LRBA: variants seen among roughly 807,000 people sequenced by gnomAD.
LRBA encodes the protein LPS responsive beige-like anchor protein.
A neutral mutation model predicts 330.0 loss-of-function variants in LRBA; 176 were observed. The observed-to-expected ratio is 0.53, with a 90% CI of 0.47 to 0.60. The LOEUF (loss-of-function observed/expected upper bound fraction) is 0.60. Among genes scored for constraint, LRBA ranks in the 20% least tolerant of loss-of-function variants. The pLI is 0.00. For synonymous variants in LRBA, 1,230 were observed against 1,193.0 expected (o/e 1.03, Z -0.64); for missense variants, 3,259 against 3,444.8 (o/e 0.95, Z 1.35).
rs143565036 is a variant in LRBA, at chr4:150,946,602, T to G, written c.217-17537A>C. Among the ~76,000 whole-genome samples, 1,253 of 152,092 alleles carry G rather than the reference T, an allele frequency of 8.2e-3. 53 individuals carry two copies. Among genetic ancestry groups the G allele is most frequent in the Admixed American group, 0.066 (1,011 of 15,274 alleles). The stretch of plus-strand genomic sequence containing the variant: ...AAATAAAAATATAATATATCAAAAT[T>G]TGTGGGCCATACCTGAGAGGGAAAT... On this transcript the variant is annotated intron_variant, in intron 2 of 56. Transcript: ENST00000651943.
chr4:150,689,821 A>G (rs1392097667), intron 36 of LRBA, among the ~76,000 whole-genome samples: 1 of 152,146 alleles, frequency 6.6e-6, no homozygotes, highest in Non-Finnish European at 1.5e-5. Context: ...GCTACTTGGG[A>G]GGCTGAGGTG....
intron 47 of LRBA, among the ~76,000 whole-genome samples, chr4:150,398,482 A>G (rs1425532149): frequency 6.6e-6 from 1 of 152,222 alleles, no homozygotes; most frequent in Non-Finnish European, 1.5e-5. Flanking sequence ...TGCATTTGGT[A>G]TAAAACGATT....
At chr4:150,642,094 C>T (rs1006472446) in intron 37 of LRBA, among the ~76,000 whole-genome samples, 1 of 151,904 alleles carries the variant, frequency 6.6e-6, no homozygotes, top group African/African-American at 2.4e-5. Flanking sequence ...ATTGAAATTG[C>T]TTTGGACATT....
chr4:150,466,012 A>G (rs1218561943), intron 44 of LRBA, among the ~76,000 whole-genome samples: 1 of 152,140 alleles, frequency 6.6e-6, no homozygotes, highest in Non-Finnish European at 1.5e-5. Flanking sequence ...ATTTCTAGAT[A>G]AAGAAAAGAG....
chr4:150,440,976 A>C (rs959419887), intron 44 of LRBA, among the ~76,000 whole-genome samples: 1 of 152,152 alleles, frequency 6.6e-6, no homozygotes, highest in African/African-American at 2.4e-5. Flanking sequence ...GATATGCAAA[A>C]TAAAACTTGT....
Position 151,014,448 on chromosome 4 carries a change from A to G in LRBA, c.195T>C (p.Ile65=). 6.2e-7 allele frequency: 1 copy of G among 1,614,100 alleles called. No homozygotes were observed. The highest frequency in any genetic ancestry group is 8.5e-7 in the Non-Finnish European group (1 of 1,179,924). ...VEVGEVSNRD[I]VETVFNLLVG... ...TTACCAGGTTAAAGACAGTTTCTAC[A>G]ATATCCCTATTGGATACTTCTCCAA... Residue 65 remains isoleucine, a synonymous_variant, in exon 2 of 57, where the codon ATT becomes ATC. Coordinates refer to ENST00000651943, the MANE Select transcript of LRBA (RefSeq NM_001364905.1).
At chr4:150,685,402 A>ATATATATATATATATATATATT (rs1783467766) in intron 36 of LRBA, among the ~76,000 whole-genome samples, 1 of 13,530 alleles carries the variant, frequency 7.4e-5, no homozygotes, top group Non-Finnish European at 1.4e-4. Context: ...ATATATATAT[A>ATATATATATATATATATATATT]TATATATATA....
intron 13 of LRBA, among the ~76,000 whole-genome samples, chr4:150,903,986 T>C (rs1731040884): frequency 6.6e-6 from 1 of 152,150 alleles, no homozygotes. Flanking sequence ...GTTGAGTAAA[T>C]GAAGGACCAT....
chr4:150,995,976 T>G (rs561289629), intron 2 of LRBA, among the ~76,000 whole-genome samples: 4 of 151,210 alleles, frequency 2.6e-5, no homozygotes, highest in African/African-American at 9.7e-5. Flanking sequence ...GAGGTCCCAG[T>G]GCCAAGGAAG....
chr4:150,450,200 C>A (rs1246886700), intron 44 of LRBA, among the ~76,000 whole-genome samples: 1 of 152,126 alleles, frequency 6.6e-6, no homozygotes, highest in Non-Finnish European at 1.5e-5. Context: ...AGGGACATTG[C>A]ATAATGAAAA....
At chr4:150,686,086 T>C (rs1338262524) in intron 36 of LRBA, among the ~76,000 whole-genome samples, 1 of 152,246 alleles carries the variant, frequency 6.6e-6, no homozygotes, top group African/African-American at 2.4e-5. Context: ...CCTGTCAGTC[T>C]TGATCAATTC....
intron 40 of LRBA, among the ~76,000 whole-genome samples, chr4:150,575,220 C>T (rs1231544118): frequency 6.6e-6 from 1 of 151,828 alleles, no homozygotes; most frequent in Non-Finnish European, 1.5e-5. Flanking sequence ...AATATTATTT[C>T]ATTTATATTA....
rs1205288224 is a variant in LRBA, at chr4:150,900,045, A to G, written c.1924+4T>C. On this transcript the variant is annotated splice_donor_region_variant and intron_variant, in intron 14 of 56. Coordinates refer to ENST00000651943, the MANE Select transcript of LRBA (RefSeq NM_001364905.1). ...AAAGTAATATACAGACAGAAATTAT[A>G]TACCTAATCCTTTTGGGGTGATACC... 1 of 1,601,422 alleles carries G rather than the reference A, an allele frequency of 6.2e-7. No individual in the cohort carries two copies. Among genetic ancestry groups the G allele is most frequent in the African/African-American group, 1.3e-5 (1 of 74,448 alleles).
chr4:150,293,405 T>C (rs1017593900), intron 53 of LRBA, among the ~76,000 whole-genome samples: 6 of 152,242 alleles, frequency 3.9e-5, no homozygotes, highest in Non-Finnish European at 1.5e-5. Flanking sequence ...TTGAAATTTG[T>C]CCTATACATT....
chr4:150,372,725 T>C (rs1173834579), intron 47 of LRBA, among the ~76,000 whole-genome samples: 1 of 149,206 alleles, frequency 6.7e-6, no homozygotes, highest in Non-Finnish European at 1.5e-5. Context: ...AAAATATCCT[T>C]ATTATTAAAT....
In LRBA at chr4:150,350,005, G is replaced by A. The variant is rs766137097; in HGVS notation, c.7349C>T (p.Pro2450Leu). The A allele has an allele frequency of 2.5e-6, 4 of 1,613,444 alleles. No individual in the cohort carries two copies. In the East Asian group the frequency reaches 8.9e-5, roughly 36 times the overall value. ...GAVNLNSITD[P>L]VLREAVEAQI... ...CAGATAACTTACCTCTCTCAACACAGGATCAGTTATTGAATTCAGATTGAC... is the reference window on the plus strand; with the variant it reads ...CAGATAACTTACCTCTCTCAACACAAGATCAGTTATTGAATTCAGATTGAC... The change falls in exon 48 of 57, where the codon CCT becomes CTT. Residue 2450 changes from proline to leucine, a missense_variant. Physicochemically the swap from Pro to Leu is moderately conservative, Grantham distance 98. Coordinates refer to ENST00000651943, the MANE Select transcript of LRBA (RefSeq NM_001364905.1).
chr4:150,489,150 T>TAAGAATATATAATATA (rs1452823523), intron 41 of LRBA, among the ~76,000 whole-genome samples: 3 of 117,410 alleles, frequency 2.6e-5, no homozygotes, highest in African/African-American at 1.0e-4. Context: ...ATATAATATA[T>TAAGAATATATAATATA]CAGAATATAT....
intron 17 of LRBA, among the ~76,000 whole-genome samples, chr4:150,875,139 T>A (rs759143117): frequency 1.2e-4 from 19 of 152,158 alleles, no homozygotes; most frequent in Non-Finnish European, 2.5e-4. Flanking sequence ...CATTCCTATG[T>A]AGAGATCCTG....
At chr4:150,960,480 A>C (rs2149564087) in intron 2 of LRBA, among the ~76,000 whole-genome samples, 1 of 149,376 alleles carries the variant, frequency 6.7e-6, no homozygotes, top group Non-Finnish European at 1.5e-5. Flanking sequence ...ATGACCTGAG[A>C]CTTAAAAAAC....
Sources: allele counts gnomAD v4.1 joint callset (sites outside exome capture counted in the v4.1 genomes callset), GRCh38; gene constraint gnomAD v4.1.1; transcripts MANE v1.5; gene names NCBI Gene and HGNC (gene_info 2026-07-23, HGNC 2026-07-21).